PAK6: variants seen among roughly 807,000 people sequenced by gnomAD.
PAK6 encodes p21 (RAC1) activated kinase 6.
In PAK6, 33 loss-of-function variants were observed where a neutral mutation model predicts 60.8. The ratio of observed to expected loss-of-function variants is 0.54; its 90% CI spans 0.41 to 0.73. PAK6 has a LOEUF of 0.73. Among genes scored for constraint, PAK6 ranks in the 30% least tolerant of loss-of-function variants. The pLI is 0.00. For missense variants in PAK6, 845 were observed against 904.1 expected (o/e 0.93, Z 0.84); for synonymous variants, 404 against 378.5 (o/e 1.07, Z -0.78).
chr15:40,271,583 C>T (rs965728968), intron 5 of PAK6, among the ~76,000 whole-genome samples: 3 of 152,212 alleles, frequency 2.0e-5, no homozygotes, highest in Non-Finnish European at 4.4e-5. Flanking sequence ...AGGGGAGACA[C>T]CTGAGAACCC....
At chr15:40,248,382 C>T (rs1041849669) in intron 2 of PAK6, among the ~76,000 whole-genome samples, 4 of 152,212 alleles carry the variant, frequency 2.6e-5, no homozygotes, top group East Asian at 1.9e-4. Flanking sequence ...AAGAGTGCCT[C>T]TCTCCCAGGC....
chr15:40,241,557 C>T (rs1374334578), intron 2 of PAK6, among the ~76,000 whole-genome samples: 4 of 152,126 alleles, frequency 2.6e-5, no homozygotes, highest in Non-Finnish European at 4.4e-5. Context: ...GGAGGTGGCA[C>T]CTGGGAGCCC....
At chr15:40,264,844 A>G in exon 4 of PAK6, 1 of 1,613,954 alleles carries the variant, frequency 6.2e-7, no homozygotes, top group Non-Finnish European at 8.5e-7. Context: ...AACTTCCAGC[A>G]CCGTGTCCAC....
rs764583754 is a variant in PAK6 at position 40,266,484 on chromosome 15, C to T, written c.847C>T (p.Pro283Ser). Residue 283 changes from proline (P) to serine (S), a missense_variant, in exon 5 of 11, where the codon CCA becomes TCA. By Grantham distance (74) the Pro-to-Ser change is moderately conservative. Transcript: ENST00000560346. The stretch of plus-strand genomic sequence containing the variant: ...AAGCAGCAGCAAGCCAGGCCCTCCA[C>T]CACAGAGCAAGGTAAGTCAGGAGCC... 6 of 1,604,766 alleles carry T rather than the reference C, an allele frequency of 3.7e-6. No individual in the cohort carries two copies. In the South Asian group the frequency reaches 5.6e-5, roughly 15 times the overall value.
intron 1 of PAK6, chr15:40,240,157 C>T (rs2038280208): frequency 6.3e-6 from 1 of 157,562 alleles, no homozygotes; most frequent in Non-Finnish European, 1.4e-5. Flanking sequence ...GCTGGACAGC[C>T]CATCAGCTGC....
At chr15:40,243,495 T>A (rs1323497566) in intron 2 of PAK6, among the ~76,000 whole-genome samples, 1 of 152,190 alleles carries the variant, frequency 6.6e-6, no homozygotes, top group Admixed American at 6.5e-5. Context: ...CTGAATGGCA[T>A]GACTGGCACA....
At chr15:40,261,373 C>T (rs1324613692) in intron 3 of PAK6, among the ~76,000 whole-genome samples, 5 of 151,622 alleles carry the variant, frequency 3.3e-5, no homozygotes, top group African/African-American at 9.7e-5. Context: ...CCCATCTCTA[C>T]TAAAAATACA....
At chr15:40,242,568 G>A (rs1231742236) in intron 2 of PAK6, among the ~76,000 whole-genome samples, 1 of 152,092 alleles carries the variant, frequency 6.6e-6, no homozygotes, top group African/African-American at 2.4e-5. Context: ...GAAAGAGGTG[G>A]ACTAGCCAGC....
At chr15:40,273,978 C>T in intron 9 of PAK6, 164 bp from the exon 10 acceptor site, 1 of 803,488 alleles carries the variant, frequency 1.2e-6, no homozygotes, top group East Asian at 2.5e-5. Flanking sequence ...GTCACTCATG[C>T]AGGCAGTAAC....
chr15:40,273,230 C>T, intron 7 of PAK6, 116 bp from the exon 8 acceptor site: 1 of 1,324,148 alleles, frequency 7.6e-7, no homozygotes, highest in Non-Finnish European at 1.0e-6. Flanking sequence ...TGCTGCCAAA[C>T]AGATTGCCTG....
intron 2 of PAK6, among the ~76,000 whole-genome samples, chr15:40,248,464 A>G (rs2038558805): frequency 6.6e-6 from 1 of 152,186 alleles, no homozygotes; most frequent in Non-Finnish European, 1.5e-5. Flanking sequence ...CCTGCCAAGC[A>G]TCCAGCACAC....
exon 5 of PAK6, chr15:40,266,438 C>T (rs1176718579): frequency 6.2e-7 from 1 of 1,612,744 alleles, no homozygotes; most frequent in Non-Finnish European, 8.5e-7. Flanking sequence ...TGTTCCTGTC[C>T]ACTGCTGCCA....
chr15:40,266,103 A>G, exon 5 of PAK6: 3 of 1,609,016 alleles, frequency 1.9e-6, no homozygotes, highest in Non-Finnish European at 2.5e-6. Flanking sequence ...AGCAGGCCAC[A>G]AGCAGATGCC....
chr15:40,267,203 A>G (rs574738835), intron 5 of PAK6, among the ~76,000 whole-genome samples: 114 of 114,170 alleles, frequency 1.0e-3, no homozygotes, highest in Non-Finnish European at 1.7e-3. Context: ...GGCATGGGTA[A>G]TGGAGCCTCC....
chr15:40,269,962 T>G (rs1243958098), intron 5 of PAK6, among the ~76,000 whole-genome samples: 1 of 152,254 alleles, frequency 6.6e-6, no homozygotes, highest in Non-Finnish European at 1.5e-5. Context: ...GATCTCATTT[T>G]ACAGCCTTTC....
chr15:40,261,541 AAT>A (rs138751731), intron 3 of PAK6, among the ~76,000 whole-genome samples: 4 of 150,226 alleles, frequency 2.7e-5, no homozygotes, highest in Non-Finnish European at 4.5e-5. Flanking sequence ...CATCTCAAAA[AAT>A]ATATATATAT....
chr15:40,256,235 T>A (rs567090811), intron 3 of PAK6, among the ~76,000 whole-genome samples: 235 of 151,050 alleles, frequency 1.6e-3, no homozygotes, highest in African/African-American at 5.5e-3. Flanking sequence ...TAAAAAAAAA[T>A]TTTTTTTTTG....
At chr15:40,245,013 C>A (rs1186149302) in intron 2 of PAK6, 1 of 152,256 alleles carries the variant, frequency 6.6e-6, no homozygotes, top group Admixed American at 6.5e-5. Flanking sequence ...CCGTGGCAAC[C>A]TATTCCCCAA....
At chr15:40,253,351 G>A (rs1209989005) in intron 3 of PAK6, 62 bp downstream of exon 3, 2 of 445,174 alleles carry the variant, frequency 4.5e-6, no homozygotes, top group African/African-American at 4.0e-5. Context: ...GAGCAGGCAG[G>A]GAGGGACAGT....
Sources: gnomAD v4.1 joint callset for allele counts (sites outside exome capture counted in the v4.1 genomes callset) on GRCh38, gnomAD v4.1.1 for gene constraint, MANE v1.5 for transcripts, NCBI Gene and HGNC (gene_info 2026-07-23, HGNC 2026-07-21) for gene names.